Variants in SHROOM2 observed in about 807,000 individuals in gnomAD.
SHROOM2 encodes the protein protein Shroom2.
A neutral mutation model predicts 75.9 loss-of-function variants in SHROOM2; 33 were observed. That is an observed-to-expected ratio of 0.43 (90% CI 0.33 to 0.58). The LOEUF is 0.58. SHROOM2 is among the 20% of genes least tolerant of loss of function. The pLI is 0.04. For synonymous variants in SHROOM2, 655 were observed against 663.6 expected, an observed-to-expected ratio of 0.99 and a Z score of 0.20; for missense variants, 1,434 against 1,461.2, an observed-to-expected ratio of 0.98 and a Z score of 0.30.
In SHROOM2 at chrX:9,947,968, A is replaced by G. The variant is rs2084837086; in HGVS notation, c.*1031A>G. The G allele has an allele frequency of 8.9e-6, 1 of 112,480 alleles. No homozygotes were observed. The highest frequency in any genetic ancestry group is 3.6e-4 in the South Asian group (1 of 2,741). 9.3% of individuals were successfully genotyped at this position (112,480 alleles called of 1,213,427 possible). A position where few individuals can be genotyped will look rare whatever the true frequency, so the allele number is the denominator to read the frequency against. On this transcript the variant is annotated 3_prime_UTR_variant, in exon 10 of 10. Transcript: ENST00000380913. ...TTCTGCCATGAAGTTTAAAGATTCT[A>G]TGCCCATTTCCTTGATTGAAATGGC...
Position 9,894,504 on chromosome X carries a change from A to G in SHROOM2, c.596A>G (p.His199Arg). ...GCCAAGTCCAACAGCAGCATCGACC[A>G]CCTGGGCAGCCACAGCAAGCGCGAC... ...SVAKSNSSID[H>R]LGSHSKRDSA... is the part of the protein sequence containing the mutation. The change falls in exon 4 of 10, where the codon CAC (histidine) becomes CGC (arginine). Residue 199 changes from histidine (H) to arginine (R), a missense_variant. His to Arg is a conservative substitution (Grantham distance 29, BLOSUM62 0). Around this residue, in one of 3 missense-constraint regions of SHROOM2, gnomAD observed 1,340 missense variants for 1,338.3 expected, o/e 1.00. Transcript: ENST00000380913. 1 of 1,209,544 alleles carries G rather than the reference A, an allele frequency of 8.3e-7. No individual in the cohort carries two copies. The highest frequency in any genetic ancestry group is 1.8e-5 in the South Asian group (1 of 56,820).
intron 2 of SHROOM2, among the ~76,000 whole-genome samples, chrX:9,875,971 G>A (rs1370218416): frequency 8.9e-6 from 1 of 112,279 alleles, no homozygotes; most frequent in Non-Finnish European, 1.9e-5. Context: ...GTTGGTGGGA[G>A]GAGAGAGCGA....
intron 5 of SHROOM2, among the ~76,000 whole-genome samples, chrX:9,903,422 G>A (rs1373700113): frequency 2.7e-5 from 3 of 112,851 alleles, no homozygotes; most frequent in Admixed American, 9.3e-5. Context: ...ACTGCATGCT[G>A]AGCAGAAAGG....
chrX:9,805,772 A>G (rs1415883659), intron 1 of SHROOM2, among the ~76,000 whole-genome samples: 1 of 110,132 alleles, frequency 9.1e-6, no homozygotes, highest in Non-Finnish European at 1.9e-5. Flanking sequence ...TTGAGTTGGG[A>G]CTTAAGGAGA....
chrX:9,893,095 ATATTAT>A (rs200771047), intron 3 of SHROOM2, among the ~76,000 whole-genome samples: 12 of 108,756 alleles, frequency 1.1e-4, no homozygotes, highest in Non-Finnish European at 1.9e-4. Context: ...GCAGTGTGTG[ATATTAT>A]TATTATTATT....
At position 9,932,724 on chromosome X, in the gene SHROOM2, G is replaced by A; in HGVS notation, c.3441G>A (p.Leu1147=). 3.3e-6 allele frequency: 4 copies of A among 1,211,148 alleles called. No homozygotes were observed. Among genetic ancestry groups the A allele is most frequent in the Non-Finnish European group, 4.5e-6 (4 of 895,580 alleles). Residue 1147 remains leucine (L), a synonymous_variant, in exon 6 of 10, where the codon CTG becomes CTA. Transcript: ENST00000380913. The stretch of plus-strand genomic sequence containing the variant: ...TGAGCGGGGACGCATCACGTCCTCT[G>A]CCAGAAGCACTGCTCCCTCCCAAGC... ...QHVSGDASRP[L]PEALLPPKQQ...
intron 1 of SHROOM2, among the ~76,000 whole-genome samples, chrX:9,792,159 T>TAAA (rs1240744489): frequency 1.3e-4 from 1 of 7,413 alleles, no homozygotes; most frequent in African/African-American, 3.3e-4. Context: ...TAGAATAGAA[T>TAAA]AATCACCAGT....
intron 1 of SHROOM2, among the ~76,000 whole-genome samples, chrX:9,848,510 C>CAAAAAAAAAAAAAAAAA (rs774991614): frequency 1.4e-4 from 3 of 22,025 alleles, no homozygotes; most frequent in Non-Finnish European, 1.7e-4. Flanking sequence ...GACTCCGTCT[C>CAAAAAAAAAAAAAAAAA]AAAAAAAAAA....
chrX:9,802,854 G>C (rs190016393), intron 1 of SHROOM2, among the ~76,000 whole-genome samples: 1 of 110,072 alleles, frequency 9.1e-6, no homozygotes, highest in Admixed American at 9.8e-5. Flanking sequence ...GATCTGTCTG[G>C]ATCATGCAGG....
chrX:9,875,937 G>A lies in SHROOM2; in HGVS notation c.317+2134G>A, dbSNP rs770791485. Among the ~76,000 whole-genome samples, 16 of 112,562 alleles carry A rather than the reference G, an allele frequency of 1.4e-4. 1 individual carries two copies. The South Asian group carries it at 5.1e-3, about 36-fold the overall frequency. ...TAGACAGTCTAAAATCTGTTCAAAG[G>A]AAAGCCATGCCACAGGAGAACTGGT... On this transcript the variant is annotated intron_variant, in intron 2 of 9. Coordinates refer to ENST00000380913, the MANE Select transcript of SHROOM2 (RefSeq NM_001649.4).
chrX:9,936,985 A>T, intron 6 of SHROOM2, 149 bp from the exon 7 acceptor site: 1 of 527,544 alleles, frequency 1.9e-6, no homozygotes, highest in Non-Finnish European at 3.1e-6. Context: ...CTCATCCAGG[A>T]TGTGGGATCA....
chrX:9,933,629 C>T (rs909240799), intron 6 of SHROOM2, among the ~76,000 whole-genome samples: 9 of 111,780 alleles, frequency 8.1e-5, no homozygotes, highest in African/African-American at 2.9e-4. Flanking sequence ...AAAAATTAGC[C>T]AGGTGTGGTG....
intron 1 of SHROOM2, among the ~76,000 whole-genome samples, chrX:9,788,877 A>T (rs2083631674): frequency 9.1e-6 from 1 of 110,416 alleles, no homozygotes; most frequent in Non-Finnish European, 1.9e-5. Context: ...TGATGACAAA[A>T]ATGTCTCCAG....
chrX:9,810,002 G>A (rs2083783677), intron 1 of SHROOM2, among the ~76,000 whole-genome samples: 2 of 112,498 alleles, frequency 1.8e-5, no homozygotes, highest in African/African-American at 6.5e-5. Flanking sequence ...TATGTCACAC[G>A]ATAAGGGAAA....
intron 1 of SHROOM2, among the ~76,000 whole-genome samples, chrX:9,829,014 GTTTGTTTTTGTT>G (rs778773805): frequency 1.8e-5 from 2 of 110,865 alleles, no homozygotes; most frequent in South Asian, 7.7e-4. Context: ...TCCTGGGGTT[GTTTGTTTTTGTT>G]TTTGTTTTTG....
At chrX:9,862,369 C>T (rs2084109249) in intron 1 of SHROOM2, among the ~76,000 whole-genome samples, 2 of 109,787 alleles carry the variant, frequency 1.8e-5, no homozygotes, top group Admixed American at 1.9e-4. Flanking sequence ...ATTCGAATCT[C>T]GATGGAAGAT....
intron 2 of SHROOM2, among the ~76,000 whole-genome samples, chrX:9,875,344 A>G (rs1223058826): frequency 9.1e-6 from 1 of 110,310 alleles, no homozygotes; most frequent in Non-Finnish European, 1.9e-5. Flanking sequence ...GTTTGTTCTT[A>G]CACGATTCAG....
At chrX:9,920,070 A>G (rs996399623) in intron 5 of SHROOM2, among the ~76,000 whole-genome samples, 10 of 111,738 alleles carry the variant, frequency 8.9e-5, no homozygotes, top group Non-Finnish European at 1.5e-4. Flanking sequence ...AGACATCTCA[A>G]CTTCACTACG....
intron 2 of SHROOM2, chrX:9,874,709 A>G (rs1460255647): frequency 2.7e-5 from 3 of 110,871 alleles, no homozygotes; most frequent in African/African-American, 9.8e-5. Flanking sequence ...GCCAAGACAA[A>G]TTCCTAAAGG....
Sources: gnomAD v4.1 joint callset for allele counts (sites outside exome capture counted in the v4.1 genomes callset) on GRCh38, gnomAD v4.1.1 for gene constraint, gnomAD v4.1.1 regional missense constraint, MANE v1.5 for transcripts, NCBI Gene and HGNC (gene_info 2026-07-23, HGNC 2026-07-21) for gene names.